The following SYK variants were observed in gnomAD, a reference collection of about 807,000 sequenced individuals.
SYK encodes the protein spleen associated tyrosine kinase.
In SYK, 16 loss-of-function variants were observed where a neutral mutation model predicts 77.8. The ratio of observed to expected loss-of-function variants is 0.21; its 90% CI spans 0.14 to 0.31. The LOEUF (loss-of-function observed/expected upper bound fraction) is 0.31. Among genes scored for constraint, SYK ranks in the 10% least tolerant of loss-of-function variants. The pLI is 1.00. For synonymous variants in SYK, 312 were observed against 308.7 expected, an observed-to-expected ratio of 1.01 and a Z score of -0.11; for missense variants, 529 against 814.4, an observed-to-expected ratio of 0.65 and a Z score of 4.26.
chr9:90,865,178 T>G, intron 6 of SYK, 81 bp downstream of exon 6: 1 of 1,364,768 alleles, frequency 7.3e-7, no homozygotes, highest in Non-Finnish European at 1.0e-6. Flanking sequence ...CTAACAGGAG[T>G]AGTAGGCATT....
chr9:90,809,079 G>A (rs1448746362), intron 1 of SYK, among the ~76,000 whole-genome samples: 1 of 152,176 alleles, frequency 6.6e-6, no homozygotes, highest in African/African-American at 2.4e-5. Context: ...TCAGCTGATG[G>A]TCATGGCTAC....
At chr9:90,876,590 G>T (rs1827945335) in intron 9 of SYK, among the ~76,000 whole-genome samples, 1 of 152,164 alleles carries the variant, frequency 6.6e-6, no homozygotes, top group African/African-American at 2.4e-5. Context: ...ATTATGAAAG[G>T]TTGTGATCTT....
At chr9:90,872,318 A>G (rs901521043) in intron 7 of SYK, among the ~76,000 whole-genome samples, 17 of 152,252 alleles carry the variant, frequency 1.1e-4, no homozygotes, top group African/African-American at 3.6e-4. Context: ...AGTGATGGCT[A>G]GTCCGAGGAC....
At chr9:90,817,845 T>TGTGTGTGTGTGTG (rs1825344010) in intron 1 of SYK, among the ~76,000 whole-genome samples, 1 of 137,548 alleles carries the variant, frequency 7.3e-6, no homozygotes, top group East Asian at 2.3e-4. Flanking sequence ...CTCAATAATG[T>TGTGTGTGTGTGTG]TGTGTGTGTG....
At chr9:90,872,245 T>C (rs1174965807) in intron 7 of SYK, among the ~76,000 whole-genome samples, 2 of 152,198 alleles carry the variant, frequency 1.3e-5, no homozygotes, top group African/African-American at 2.4e-5. Flanking sequence ...CCCAGGATAA[T>C]GTCCTCAGTG....
intron 3 of SYK, among the ~76,000 whole-genome samples, chr9:90,861,726 A>G (rs1827273702): frequency 6.6e-6 from 1 of 152,066 alleles, no homozygotes; most frequent in South Asian, 2.1e-4. Flanking sequence ...ATGCCCACCA[A>G]ACACCCCCAC....
rs544423162 is a variant in SYK, at chr9:90,813,218, G to C, written c.-42+11325G>C. Among the ~76,000 whole-genome samples, 3 of 152,088 alleles carry C rather than the reference G, an allele frequency of 2.0e-5. No homozygotes were observed. In the East Asian group the frequency reaches 5.8e-4, roughly 29 times the overall value. ...GTCCATAGTTTCTTGGTGTCTGTGGGTTGGCTTCTGGGCCTCGCTGGCTGC... is the reference window on the plus strand; with the variant it reads ...GTCCATAGTTTCTTGGTGTCTGTGGCTTGGCTTCTGGGCCTCGCTGGCTGC... On this transcript the variant is annotated intron_variant, in intron 1 of 13. Coordinates refer to ENST00000375754, the MANE Select transcript of SYK (RefSeq NM_003177.7).
intron 9 of SYK, 84 bp from the exon 10 acceptor site, chr9:90,877,487 A>G: frequency 6.8e-7 from 1 of 1,464,912 alleles, no homozygotes; most frequent in Non-Finnish European, 9.4e-7. Flanking sequence ...CTGTTTCCAC[A>G]GGGGGATTAT....
At chr9:90,850,396 G>A (rs1419420348) in intron 3 of SYK, among the ~76,000 whole-genome samples, 1 of 152,044 alleles carries the variant, frequency 6.6e-6, no homozygotes. Flanking sequence ...TGTGCCTGTA[G>A]TCCCAGCTAC....
chr9:90,872,811 C>T (rs1270309729), intron 7 of SYK, among the ~76,000 whole-genome samples: 1 of 152,204 alleles, frequency 6.6e-6, no homozygotes, highest in Non-Finnish European at 1.5e-5. Flanking sequence ...TTTTATTGAG[C>T]GTCCTTGTGG....
At chr9:90,841,865 T>TAG (rs1826367812) in intron 1 of SYK, among the ~76,000 whole-genome samples, 1 of 149,836 alleles carries the variant, frequency 6.7e-6, no homozygotes, top group Admixed American at 6.6e-5. Context: ...GTTATGTGTG[T>TAG]TGTGTGTGTA....
intron 3 of SYK, among the ~76,000 whole-genome samples, chr9:90,853,435 G>A (rs4744017): frequency 0.4 from 60,836 of 151,180 alleles, 13,233 homozygotes; most frequent in Admixed American, 0.5. Context: ...TGTTTATTGC[G>A]GCACTATTCA....
At chr9:90,841,612 G>T (rs1337444795) in intron 1 of SYK, among the ~76,000 whole-genome samples, 6 of 150,476 alleles carry the variant, frequency 4.0e-5, no homozygotes. Context: ...TTTCGTGTGT[G>T]TTTTGTGTGT....
At chr9:90,874,640 C>T in intron 8 of SYK, 32 bp from the exon 9 acceptor site, 1 of 1,593,800 alleles carries the variant, frequency 6.3e-7, no homozygotes. Context: ...GGGGTCCAGC[C>T]CCAGGTCGTA....
At chr9:90,840,655 C>T (rs1826271302) in intron 1 of SYK, among the ~76,000 whole-genome samples, 1 of 151,216 alleles carries the variant, frequency 6.6e-6, no homozygotes, top group Non-Finnish European at 1.5e-5. Flanking sequence ...CCAGAGATGT[C>T]TTTCTGTTAA....
chr9:90,845,698 G>T lies in SYK; in HGVS notation c.578+104G>T, dbSNP rs972192774. 16 of 1,368,862 alleles carry T rather than the reference G, an allele frequency of 1.2e-5. No homozygotes were observed. In the South Asian group the frequency reaches 2.1e-4, roughly 18 times the overall value. 84.8% of individuals were successfully genotyped at this position (1,368,862 alleles called of 1,614,324 possible). On this transcript the variant is annotated intron_variant, in intron 3 of 13. Transcript: ENST00000375754. ...CTGGCCCCACATGACCCTGGGAAGA[G>T]GCCATGCATTGCCATTTGACAACAT...
intron 1 of SYK, among the ~76,000 whole-genome samples, chr9:90,814,658 T>C (rs754149870): frequency 6.6e-6 from 1 of 152,200 alleles, no homozygotes; most frequent in Non-Finnish European, 1.5e-5. Context: ...CACTATTTCA[T>C]GTGTTGATAC....
At chr9:90,805,192 C>A (rs1478991156) in intron 1 of SYK, among the ~76,000 whole-genome samples, 1 of 152,220 alleles carries the variant, frequency 6.6e-6, no homozygotes, top group Admixed American at 6.5e-5. Context: ...GGTGGTGGAG[C>A]AAGCGAGGAC....
chr9:90,825,173 C>T (rs950222942), intron 1 of SYK, among the ~76,000 whole-genome samples: 1 of 147,522 alleles, frequency 6.8e-6, no homozygotes, highest in Non-Finnish European at 1.5e-5. Flanking sequence ...AAAATATGTA[C>T]AGGATCTGTA....
Sources: gnomAD v4.1 joint callset for allele counts (sites outside exome capture counted in the v4.1 genomes callset) on GRCh38, gnomAD v4.1.1 for gene constraint, MANE v1.5 for transcripts, NCBI Gene and HGNC (gene_info 2026-07-23, HGNC 2026-07-21) for gene names.